The following GRM8 variants were observed in gnomAD, a reference collection of about 807,000 sequenced individuals.
GRM8 encodes metabotropic glutamate receptor 8.
In GRM8, 47 loss-of-function variants were observed where a neutral mutation model predicts 87.2. That is an observed-to-expected ratio of 0.54 (90% CI 0.43 to 0.69). The LOEUF (loss-of-function observed/expected upper bound fraction) is 0.69. Ranked by LOEUF, GRM8 falls within the 30% of genes least tolerant of loss-of-function variation. The pLI is 0.00. For synonymous variants in GRM8, 396 were observed against 404.5 expected, an observed-to-expected ratio of 0.98 and a Z score of 0.25; for missense variants, 1,019 against 1,139.2, an observed-to-expected ratio of 0.89 and a Z score of 1.52.
intron 8 of GRM8, among the ~76,000 whole-genome samples, chr7:126,572,413 A>G (rs1000491380): frequency 2.0e-5 from 3 of 152,202 alleles, no homozygotes; most frequent in African/African-American, 4.8e-5. Flanking sequence ...ATAGACATGA[A>G]TGTCTACATG....
At chr7:126,726,847 C>T (rs1181090910) in intron 7 of GRM8, among the ~76,000 whole-genome samples, 1 of 151,930 alleles carries the variant, frequency 6.6e-6, no homozygotes, top group East Asian at 1.9e-4. Context: ...CCAAGATAGG[C>T]CACCCAAGAT....
At chr7:126,648,463 A>G (rs1044855530) in intron 7 of GRM8, among the ~76,000 whole-genome samples, 1 of 152,204 alleles carries the variant, frequency 6.6e-6, no homozygotes, top group African/African-American at 2.4e-5. Flanking sequence ...TCAATGTTTG[A>G]ATTAATTATT....
In GRM8 at chr7:126,477,596, AAAGAAAG is replaced by A. The variant is rs751889118; in HGVS notation, c.2431-31231_2431-31225del. On this transcript the variant is annotated intron_variant, in intron 9 of 10. Coordinates refer to ENST00000339582, the MANE Select transcript of GRM8 (RefSeq NM_000845.3). ...GAAAGAAAGAGAGAAAGAAAGAAAG[AAAGAAAG>A]AAAGAAAGAAAGAAAGAAAGAAAGA... is the stretch of plus-strand genomic sequence containing the variant. 4.6e-3 allele frequency among the ~76,000 whole-genome samples: 329 copies of A among 71,110 alleles called. 8 individuals are homozygous for A. The Middle Eastern group carries it at 0.06, about 13-fold the overall frequency. The allele number at this position is 71,110 out of a possible 152,430, so 46.7% of individuals were successfully genotyped here. A position where few individuals can be genotyped will look rare whatever the true frequency, so the allele number is the denominator to read the frequency against.
chr7:127,052,245 T>C (rs1186995889), intron 3 of GRM8, among the ~76,000 whole-genome samples: 1 of 152,228 alleles, frequency 6.6e-6, no homozygotes, highest in Non-Finnish European at 1.5e-5. Flanking sequence ...CTGAGTTCAG[T>C]GACCTCTGAA....
At chr7:126,805,698 C>T (rs1302453056) in intron 6 of GRM8, among the ~76,000 whole-genome samples, 1 of 152,162 alleles carries the variant, frequency 6.6e-6, no homozygotes, top group Non-Finnish European at 1.5e-5. Flanking sequence ...CTGTTTGGTA[C>T]CCAAGTTTTG....
chr7:126,574,557 C>A (rs1794951817), intron 8 of GRM8, among the ~76,000 whole-genome samples: 1 of 152,172 alleles, frequency 6.6e-6, no homozygotes. Context: ...AGTGATGAAG[C>A]TACATCTTCA....
At chr7:126,498,557 A>T (rs1277319100) in intron 9 of GRM8, among the ~76,000 whole-genome samples, 1 of 151,928 alleles carries the variant, frequency 6.6e-6, no homozygotes, top group African/African-American at 2.4e-5. Flanking sequence ...TACAGAAAAC[A>T]CTCACTCACA....
At chr7:126,810,535 C>A (rs1384764372) in intron 6 of GRM8, among the ~76,000 whole-genome samples, 2 of 152,140 alleles carry the variant, frequency 1.3e-5, no homozygotes, top group African/African-American at 4.8e-5. Context: ...CCCCACTTGA[C>A]TTCATGGTTC....
At chr7:126,494,506 TA>T (rs1808449989) in intron 9 of GRM8, among the ~76,000 whole-genome samples, 1 of 151,988 alleles carries the variant, frequency 6.6e-6, no homozygotes, top group South Asian at 2.1e-4. Flanking sequence ...TCTCTTTAAA[TA>T]AACAAAAACA....
In GRM8 at chr7:126,458,515, T is replaced by C. The variant is rs112547549; in HGVS notation, c.2431-12143A>G. Among the ~76,000 whole-genome samples, 629 of 151,420 alleles carry C rather than the reference T, an allele frequency of 4.2e-3. 5 individuals carry two copies. The highest frequency in any genetic ancestry group is 0.015 in the African/African-American group (602 of 41,484). ...GCAACGCATTATAGAAATGCAAGGA[T>C]AGACAAATCCATAACCATCATGAGA... On this transcript the variant is annotated intron_variant, in intron 9 of 10. Transcript: ENST00000339582.
At chr7:126,877,494 C>T (rs946517918) in intron 6 of GRM8, among the ~76,000 whole-genome samples, 11 of 152,220 alleles carry the variant, frequency 7.2e-5, no homozygotes, top group African/African-American at 2.7e-4. Context: ...ACAGAACGTT[C>T]ATACAACATT....
rs1483752603 is a variant in GRM8, at chr7:127,243,009, C to T, written c.196G>A (p.Glu66Lys). Residue 66 changes from glutamate (E) to lysine (K), a missense_variant, in exon 2 of 11, where the codon GAG (glutamate) becomes AAG (lysine). Coordinates refer to ENST00000339582, the MANE Select transcript of GRM8 (RefSeq NM_000845.3). The part of the protein sequence containing the change: ...AKGERGVPCG[E>K]LKKEKGIHRL... The stretch of plus-strand genomic sequence containing the variant: ...TGAATCCCCTTTTCCTTCTTCAGCT[C>T]CCCACAAGGCACCCCTCTCTCTCCC... 8.7e-6 allele frequency: 14 copies of T among 1,613,888 alleles called. No homozygotes were observed. The South Asian group carries it at 1.5e-4, about 18-fold the overall frequency.
rs920731537 is a variant in GRM8 at position 126,736,515 on chromosome 7, TG to T, written c.1357+33349del. Among the ~76,000 whole-genome samples the T allele has an allele frequency of 6.2e-4, 94 of 152,144 alleles. 1 individual carries two copies. The highest frequency in any genetic ancestry group is 2.1e-3 in the African/African-American group (89 of 41,524). Reference sequence around the variant, plus strand: ...ATGTTATGTCAATGTTATGACATAATGGGTGTCAATGTTATGAGTTTATAAC... The same window carrying T: ...ATGTTATGTCAATGTTATGACATAATGGTGTCAATGTTATGAGTTTATAAC... On this transcript the variant is annotated intron_variant, in intron 7 of 10. Coordinates refer to ENST00000339582, the MANE Select transcript of GRM8 (RefSeq NM_000845.3).
At chr7:126,720,464 G>C (rs919376843) in intron 7 of GRM8, among the ~76,000 whole-genome samples, 1 of 152,066 alleles carries the variant, frequency 6.6e-6, no homozygotes, top group African/African-American at 2.4e-5. Flanking sequence ...GTGGTTATTA[G>C]AGCAGTCATC....
chr7:126,786,051 A>C (rs1053812457), intron 6 of GRM8, among the ~76,000 whole-genome samples: 2 of 151,770 alleles, frequency 1.3e-5, no homozygotes, highest in Non-Finnish European at 2.9e-5. Flanking sequence ...TATAAGAGAA[A>C]TCTCTCCTCT....
At chr7:126,893,706 G>C (rs1207767120) in intron 6 of GRM8, among the ~76,000 whole-genome samples, 1 of 151,840 alleles carries the variant, frequency 6.6e-6, no homozygotes, top group African/African-American at 2.4e-5. Context: ...AGCTCCTTGA[G>C]GGCAGATGTT....
rs137925357 is a variant in GRM8 at position 126,754,736 on chromosome 7, A to G, written c.1357+15129T>C. On this transcript the variant is annotated intron_variant, in intron 7 of 10. Coordinates refer to ENST00000339582, the MANE Select transcript of GRM8 (RefSeq NM_000845.3). ...CATTGTAAACTTAAAAGCTGTTGTT[A>G]TTATAAATTCACTTTCTAGTTAGAC... 5.5e-3 allele frequency among the ~76,000 whole-genome samples: 840 copies of G among 152,006 alleles called. 14 individuals carry two copies. Among genetic ancestry groups the G allele is most frequent in the African/African-American group, 0.019 (790 of 41,562 alleles).
chr7:127,061,324 T>C (rs1227687337), intron 3 of GRM8, among the ~76,000 whole-genome samples: 42 of 152,206 alleles, frequency 2.8e-4, no homozygotes, highest in Non-Finnish European at 7.4e-5. Context: ...CAGTTACTTA[T>C]TTAATGATCT....
chr7:127,188,022 A>G (rs1053070066), intron 2 of GRM8, among the ~76,000 whole-genome samples: 1 of 152,154 alleles, frequency 6.6e-6, no homozygotes, highest in African/African-American at 2.4e-5. Context: ...CATCTAACAA[A>G]ATTTACTGAG....
Sources: allele counts gnomAD v4.1 joint callset (sites outside exome capture counted in the v4.1 genomes callset), GRCh38; gene constraint gnomAD v4.1.1; transcripts MANE v1.5; gene names NCBI Gene and HGNC (gene_info 2026-07-23, HGNC 2026-07-21).